HCRT: variants seen among roughly 807,000 people sequenced by gnomAD.
The protein encoded by HCRT is hypocretin (orexin) neuropeptide.
A neutral mutation model predicts 5.7 loss-of-function variants in HCRT; 5 were observed. That is an observed-to-expected ratio of 0.87 (90% CI 0.45 to 1.83). The LOEUF is 1.83. Among genes scored for constraint, HCRT ranks in the 40% most tolerant of loss-of-function variants. HCRT has a pLI of 0.02. For missense variants in HCRT, 207 were observed against 191.8 expected (o/e 1.08, Z -0.47); for synonymous variants, 114 against 99.0 (o/e 1.15, Z -0.90).
Position 42,184,597 on chromosome 17 carries a change from G to C in HCRT, c.22-69C>G, listed in dbSNP as rs373143786. 4.5e-4 allele frequency: 656 copies of C among 1,450,906 alleles called. 6 individuals carry two copies. In the East Asian group the frequency reaches 0.012, roughly 27 times the overall value. The allele number at this position is 1,450,906 out of a possible 1,614,324, so 89.9% of individuals were successfully genotyped here. On this transcript the variant is annotated intron_variant, in intron 1 of 1. Transcript: ENST00000293330. ...GCCCGCCACCAGCTCCCACGCCCAG[G>C]ACCTGCCCCTCTGGCTCCGCGCCCC...
chr17:42,184,302 A>C lies in HCRT; in HGVS notation c.248T>G (p.Leu83Arg). 6.6e-7 allele frequency: 1 copy of C among 1,515,120 alleles called. No homozygotes were observed. Among genetic ancestry groups the C allele is most frequent in the African/African-American group, 1.4e-5 (1 of 69,886 alleles). 93.9% of individuals were successfully genotyped at this position (1,515,120 alleles called of 1,614,324 possible). A position where few individuals can be genotyped will look rare whatever the true frequency, so the allele number is the denominator to read the frequency against. ...GGCGTGGTTGCCGCTGGCCTGCAGGAGGCGCTGCAGCCGACCCTGGAGGCC... is the reference window on the plus strand; with the variant it reads ...GGCGTGGTTGCCGCTGGCCTGCAGGCGGCGCTGCAGCCGACCCTGGAGGCC... ...PPGLQGRLQR[L>R]LQASGNHAAG... The change falls in exon 2 of 2, where the codon CTC (leucine) becomes CGC (arginine). Residue 83 changes from leucine (L) to arginine (R), a missense_variant. By Grantham distance (102) the Leu-to-Arg change is moderately radical. Transcript: ENST00000293330.
At chr17:42,184,891 A>C (rs956091249) in intron 1 of HCRT, among the ~76,000 whole-genome samples, 4 of 152,092 alleles carry the variant, frequency 2.6e-5, no homozygotes, top group African/African-American at 9.7e-5. Context: ...CCCGGGCCCT[A>C]CTGAGTCCCC....
Position 42,185,329 on chromosome 17 carries a change from A to G in HCRT, c.21+16T>C, listed in dbSNP as rs9902709. The G allele has an allele frequency of 0.025, 39,642 of 1,613,018 alleles. 7,654 individuals are homozygous for G. The African/African-American group carries it at 0.44, about 18-fold the overall frequency. ...CTCTGGGATGGTGAGTCACCCCTCC[A>G]TCCCTGGATCTTTACCTTTGTGGAA... is the stretch of plus-strand genomic sequence containing the variant. On this transcript the variant is annotated intron_variant, in intron 1 of 1. Transcript: ENST00000293330.
chr17:42,184,618 GC>G, intron 1 of HCRT, 90 bp from the exon 2 acceptor site: 1 of 1,431,566 alleles, frequency 7.0e-7, no homozygotes, highest in South Asian at 1.4e-5. Context: ...CTGGCTCCGC[GC>G]CCCCTCCAAG....
At chr17:42,185,050 C>T (rs2079926323) in intron 1 of HCRT, among the ~76,000 whole-genome samples, 1 of 152,232 alleles carries the variant, frequency 6.6e-6, no homozygotes, top group Non-Finnish European at 1.5e-5. Context: ...GCACAGCTCC[C>T]TTACCTGTAA....
chr17:42,184,169 T>TCC lies in HCRT; in HGVS notation c.379_380dup (p.Gln128AspfsTer32). 7.8e-7 allele frequency: 1 copy of TCC among 1,285,784 alleles called. No individual in the cohort carries two copies. Among genetic ancestry groups the TCC allele is most frequent in the Non-Finnish European group, 9.8e-7 (1 of 1,016,306 alleles). The allele number at this position is 1,285,784 out of a possible 1,614,324, so 79.6% of individuals were successfully genotyped here. ...GAAGAACGACTCAGATCCCGGACTG[T>TCC]CCTCCGGGCGCGACGGAGGCGGCGG... On this transcript the variant is annotated frameshift_variant, in exon 2 of 2. Transcript: ENST00000293330. LOFTEE classifies it high-confidence loss of function.
chr17:42,184,441 G>A lies in HCRT; in HGVS notation c.109C>T (p.Pro37Ser), dbSNP rs1373951353. 6.3e-7 allele frequency: 1 copy of A among 1,597,938 alleles called. No homozygotes were observed. The highest frequency in any genetic ancestry group is 1.1e-5 in the South Asian group (1 of 90,158). The stretch of plus-strand genomic sequence containing the variant: ...CAAGTCTTTTGACGACAGCAGTCGG[G>A]CAGGGGCTGTGCAGCCGCCCCGGAC... The part of the protein sequence containing the change: ...LSSGAAAQPL[P>S]DCCRQKTCSC... Residue 37 changes from proline (P) to serine (S), a missense_variant, in exon 2 of 2, where the codon CCC becomes TCC. Coordinates refer to ENST00000293330, the MANE Select transcript of HCRT (RefSeq NM_001524.1).
Position 42,184,119 on chromosome 17 carries a change from A to G in HCRT, c.*35T>C. ...GGCTGACGCTGGGTGGGCAGAGGGC[A>G]GAGGCCTGGGCCAGGACAGGGCCCG... On this transcript the variant is annotated 3_prime_UTR_variant, in exon 2 of 2. Coordinates refer to ENST00000293330, the MANE Select transcript of HCRT (RefSeq NM_001524.1). The G allele has an allele frequency of 7.9e-7, 1 of 1,261,668 alleles. No homozygotes were observed. 78.2% of individuals were successfully genotyped at this position (1,261,668 alleles called of 1,614,324 possible).
At chr17:42,184,932 T>A (rs2079925966) in intron 1 of HCRT, among the ~76,000 whole-genome samples, 1 of 152,122 alleles carries the variant, frequency 6.6e-6, no homozygotes, top group Non-Finnish European at 1.5e-5. Context: ...GGGAAACACA[T>A]GGAAATCAGG....
chr17:42,184,636 C>A, intron 1 of HCRT, 108 bp from the exon 2 acceptor site: 1 of 1,391,988 alleles, frequency 7.2e-7, no homozygotes, highest in Admixed American at 2.9e-5. Flanking sequence ...CAAGCCTGCA[C>A]TCCTTTCTGG....
In HCRT at chr17:42,184,482, G is replaced by GGCAGCA. The variant is rs747632842; in HGVS notation, c.62_67dup (p.Leu21_Leu22dup). The GGCAGCA allele has an allele frequency of 8.2e-6, 13 of 1,578,218 alleles. No individual in the cohort carries two copies. The highest frequency in any genetic ancestry group is 4.6e-5 in the East Asian group (2 of 43,676). On this transcript the variant is annotated inframe_insertion, in exon 2 of 2. Coordinates refer to ENST00000293330, the MANE Select transcript of HCRT (RefSeq NM_001524.1). ...CGCCCCGGACGACAACAGCGCGGGC[G>GGCAGCA]GCAGCAGCAGCAGCAGCAGCAGTAG...
chr17:42,184,347 T>C lies in HCRT; in HGVS notation c.203A>G (p.Lys68Arg), dbSNP rs537376938. 372 of 1,581,156 alleles carry C rather than the reference T, an allele frequency of 2.4e-4. 1 individual carries two copies. The East Asian group carries it at 6.7e-3, about 28-fold the overall frequency. The change falls in exon 2 of 2, where the codon AAG becomes AGG. Residue 68 changes from lysine (K) to arginine (R), a missense_variant. By Grantham distance (26) the Lys-to-Arg change is conservative. Transcript: ENST00000293330. ...NHAAGILTLGKRRSGPPGLQG... is the reference protein window; with the variant it reads ...NHAAGILTLGRRRSGPPGLQG... ...GAGGCCCGGGGGCCCGGACCTCCGC[T>C]TGCCCAGCGTGAGGATGCCGGCCGC...
In HCRT at chr17:42,184,509, G is replaced by A. The variant is rs764864671; in HGVS notation, c.41C>T (p.Thr14Met). The change falls in exon 2 of 2, where the codon ACG becomes ATG. Residue 14 changes from threonine to methionine, a missense_variant. Thr to Met is a moderately conservative substitution (Grantham distance 81). Transcript: ENST00000293330. ...CAGCAGCAGCAGCAGCAGCAGTAGC[G>A]TCACGGCGGCCCAGGAGACCTAGGG... ...PSTKVSWAAV[T>M]LLLLLLLLPP... 7 of 1,557,704 alleles carry A rather than the reference G, an allele frequency of 4.5e-6. No homozygotes were observed. In the African/African-American group the frequency reaches 5.4e-5, roughly 12 times the overall value.
At position 42,184,137 on chromosome 17, in the gene HCRT, A is replaced by T. The variant is rs2144152205; in HGVS notation, c.*17T>A. The T allele has an allele frequency of 7.9e-7, 1 of 1,273,686 alleles. No homozygotes were observed. Among genetic ancestry groups the T allele is most frequent in the East Asian group, 3.2e-5 (1 of 31,416 alleles). 78.9% of individuals were successfully genotyped at this position (1,273,686 alleles called of 1,614,324 possible). A position where few individuals can be genotyped will look rare whatever the true frequency, so the allele number is the denominator to read the frequency against. On this transcript the variant is annotated 3_prime_UTR_variant, in exon 2 of 2. Coordinates refer to ENST00000293330, the MANE Select transcript of HCRT (RefSeq NM_001524.1). ...AGAGGGCAGAGGCCTGGGCCAGGAC[A>T]GGGCCCGAAGAACGACTCAGATCCC... is the stretch of plus-strand genomic sequence containing the variant.
At position 42,184,342 on chromosome 17, in the gene HCRT, T is replaced by A. The variant is rs1466937991; in HGVS notation, c.208A>T (p.Arg70Trp). 2.5e-6 allele frequency: 4 copies of A among 1,573,916 alleles called. No homozygotes were observed. Among genetic ancestry groups the A allele is most frequent in the Admixed American group, 3.5e-5 (2 of 56,450 alleles). The change falls in exon 2 of 2, where the codon AGG (arginine) becomes TGG (tryptophan). Residue 70 changes from arginine (R) to tryptophan (W), a missense_variant. Physicochemically the swap from Arg to Trp is moderately radical, Grantham distance 101. Coordinates refer to ENST00000293330, the MANE Select transcript of HCRT (RefSeq NM_001524.1). ...AAGILTLGKRRSGPPGLQGRL... is the reference protein window; with the variant it reads ...AAGILTLGKRWSGPPGLQGRL... ...CCCTGGAGGCCCGGGGGCCCGGACC[T>A]CCGCTTGCCCAGCGTGAGGATGCCG...
In HCRT at chr17:42,184,071, G is replaced by A; in HGVS notation, c.*83C>T. 1 of 1,222,810 alleles carries A rather than the reference G, an allele frequency of 8.2e-7. No individual in the cohort carries two copies. The highest frequency in any genetic ancestry group is 1.0e-6 in the Non-Finnish European group (1 of 979,364). 75.7% of individuals were successfully genotyped at this position (1,222,810 alleles called of 1,614,324 possible). A position where few individuals can be genotyped will look rare whatever the true frequency, so the allele number is the denominator to read the frequency against. ...AGACCAGTCACACGAATGGAGACTCGTCTTTATTGCCTTTTTTCTGGGGGC... is the reference window on the plus strand; with the variant it reads ...AGACCAGTCACACGAATGGAGACTCATCTTTATTGCCTTTTTTCTGGGGGC... On this transcript the variant is annotated 3_prime_UTR_variant, in exon 2 of 2. Coordinates refer to ENST00000293330, the MANE Select transcript of HCRT (RefSeq NM_001524.1).
rs918382050 is a variant in HCRT at position 42,184,517 on chromosome 17, G to T, written c.33C>A (p.Ala11=). The part of the protein sequence containing the change: MNLPSTKVSW[A]AVTLLLLLLL... ...GCAGCAGCAGCAGTAGCGTCACGGCGGCCCAGGAGACCTAGGGAGACGGAG... is the reference window on the plus strand; with the variant it reads ...GCAGCAGCAGCAGTAGCGTCACGGCTGCCCAGGAGACCTAGGGAGACGGAG... Residue 11 remains alanine (A), a synonymous_variant, in exon 2 of 2, where the codon GCC becomes GCA. Coordinates refer to ENST00000293330, the MANE Select transcript of HCRT (RefSeq NM_001524.1). 1 of 1,549,416 alleles carries T rather than the reference G, an allele frequency of 6.5e-7. No individual in the cohort carries two copies. The highest frequency in any genetic ancestry group is 2.4e-5 in the East Asian group (1 of 41,726).
Position 42,184,476 on chromosome 17 carries a change from G to A in HCRT, c.74C>T (p.Ala25Val), listed in dbSNP as rs772136922. The A allele has an allele frequency of 2.7e-5, 43 of 1,585,590 alleles. No individual in the cohort carries two copies. The highest frequency in any genetic ancestry group is 3.4e-5 in the Non-Finnish European group (40 of 1,172,162). Residue 25 changes from alanine (A) to valine (V), a missense_variant, in exon 2 of 2, where the codon GCG (alanine) becomes GTG (valine). By Grantham distance (64) the Ala-to-Val change is moderately conservative. Transcript: ENST00000293330. The part of the protein sequence containing the change: ...LLLLLLLLPP[A>V]LLSSGAAAQP... ...TGCAGCCGCCCCGGACGACAACAGC[G>A]CGGGCGGCAGCAGCAGCAGCAGCAG...
Position 42,184,370 on chromosome 17 carries a change from C to T in HCRT, c.180G>A (p.Ala60=), listed in dbSNP as rs534685387. 7 of 1,595,408 alleles carry T rather than the reference C, an allele frequency of 4.4e-6. No homozygotes were observed. In the East Asian group the frequency reaches 1.4e-4, roughly 31 times the overall value. The part of the protein sequence containing the change: ...YELLHGAGNH[A]AGILTLGKRR... ...GCTTGCCCAGCGTGAGGATGCCGGC[C>T]GCGTGATTGCCCGCGCCGTGCAGCA... The change falls in exon 2 of 2, where the codon GCG becomes GCA. Residue 60 remains alanine (A), a synonymous_variant. Transcript: ENST00000293330.
Sources: gnomAD v4.1 joint callset for allele counts (sites outside exome capture counted in the v4.1 genomes callset) on GRCh38, gnomAD v4.1.1 for gene constraint, MANE v1.5 for transcripts, NCBI Gene and HGNC (gene_info 2026-07-23, HGNC 2026-07-21) for gene names.